The following ESYT2 variants were observed in gnomAD, a reference collection of about 807,000 sequenced individuals.
ESYT2 encodes the protein extended synaptotagmin 2, also known as extended synaptotagmin-2.
A neutral mutation model predicts 107.2 loss-of-function variants in ESYT2; 54 were observed. That is an observed-to-expected ratio of 0.50 (90% CI 0.40 to 0.63). The LOEUF is 0.63. Among genes scored for constraint, ESYT2 ranks in the 30% least tolerant of loss-of-function variants. The pLI, the probability that ESYT2 is intolerant of heterozygous loss-of-function variation, is 0.00. For missense variants in ESYT2, 1,020 were observed against 1,094.5 expected (o/e 0.93, Z 0.96); for synonymous variants, 491 against 434.1 (o/e 1.13, Z -1.63).
intron 18 of ESYT2, among the ~76,000 whole-genome samples, chr7:158,739,815 G>T (rs1837130491): frequency 6.6e-6 from 1 of 152,080 alleles, no homozygotes; most frequent in African/African-American, 2.4e-5. Flanking sequence ...CAGTTCAGAT[G>T]CAACAACCGA....
intron 11 of ESYT2, among the ~76,000 whole-genome samples, chr7:158,760,442 T>C (rs1837920426): frequency 6.6e-6 from 1 of 152,228 alleles, no homozygotes; most frequent in Non-Finnish European, 1.5e-5. Context: ...ATTCCCACTT[T>C]ACACATAAGA....
At chr7:158,759,733 C>A in intron 12 of ESYT2, 152 bp from the exon 13 acceptor site, 1 of 632,326 alleles carries the variant, frequency 1.6e-6, no homozygotes, top group Non-Finnish European at 2.7e-6. Context: ...ACAATAAATG[C>A]CTTTTAAATA....
At position 158,787,995 on chromosome 7, in the gene ESYT2, T is replaced by C. The variant is rs891037298; in HGVS notation, c.747+9A>G. On this transcript the variant is annotated intron_variant, in intron 6 of 22. Transcript: ENST00000275418. ...TGGGAAAATAAAAATGAAATAAATA[T>C]TGACTTACTGGTTTCCTAAGGAAGA... is the stretch of plus-strand genomic sequence containing the variant. 10 of 1,605,474 alleles carry C rather than the reference T, an allele frequency of 6.2e-6. No homozygotes were observed. The highest frequency in any genetic ancestry group is 7.7e-6 in the Non-Finnish European group (9 of 1,172,482).
intron 1 of ESYT2, among the ~76,000 whole-genome samples, chr7:158,828,529 G>T (rs910651996): frequency 7.2e-5 from 11 of 152,254 alleles, no homozygotes; most frequent in African/African-American, 2.7e-4. Flanking sequence ...GGAGGGAAGC[G>T]GGCTTTGTGA....
intron 8 of ESYT2, 54 bp from the exon 9 acceptor site, chr7:158,764,907 C>A: frequency 6.4e-7 from 1 of 1,567,326 alleles, no homozygotes; most frequent in South Asian, 1.1e-5. Flanking sequence ...GTTTAACTGG[C>A]ATGGAAGATA....
intron 6 of ESYT2, among the ~76,000 whole-genome samples, chr7:158,778,856 T>C (rs987507855): frequency 6.6e-6 from 1 of 152,164 alleles, no homozygotes; most frequent in Non-Finnish European, 1.5e-5. Context: ...ACTTTTTTTT[T>C]TTTTTAACAT....
chr7:158,777,592 C>T (rs1245110418), intron 6 of ESYT2, among the ~76,000 whole-genome samples: 5 of 152,196 alleles, frequency 3.3e-5, no homozygotes, highest in Non-Finnish European at 7.3e-5. Context: ...CATCTTCTGC[C>T]ATGACTGTAA....
chr7:158,759,882 A>T (rs1490499954), intron 12 of ESYT2, among the ~76,000 whole-genome samples, 176 bp downstream of exon 12: 1 of 152,256 alleles, frequency 6.6e-6, no homozygotes, highest in Non-Finnish European at 1.5e-5. Context: ...ATTTCATTTT[A>T]AAAACTCCAT....
At position 158,829,088 on chromosome 7, in the gene ESYT2, C is replaced by T; in HGVS notation, c.330+1G>A. The T allele has an allele frequency of 6.3e-7, 1 of 1,584,474 alleles. No homozygotes were observed. Among genetic ancestry groups the T allele is most frequent in the Non-Finnish European group, 8.5e-7 (1 of 1,174,360 alleles). On this transcript the variant is annotated splice_donor_variant, in intron 1 of 22. Transcript: ENST00000275418. LOFTEE classifies it high-confidence loss of function. ...CGGGACGGGCAGGGGTCTGCACTCA[C>T]CCAGGCGGGCAGGTCGCAGGCGCGC...
intron 9 of ESYT2, among the ~76,000 whole-genome samples, chr7:158,763,866 A>C (rs1838061848): frequency 6.6e-6 from 1 of 152,170 alleles, no homozygotes; most frequent in Non-Finnish European, 1.5e-5. Context: ...ATCTTGGAAT[A>C]ACCACGAGTT....
intron 18 of ESYT2, among the ~76,000 whole-genome samples, chr7:158,740,725 T>C (rs571810992): frequency 6.6e-6 from 1 of 152,336 alleles, no homozygotes; most frequent in Admixed American, 6.5e-5. Context: ...GAATGTTTTC[T>C]TCTTTCCAAA....
In ESYT2 at chr7:158,748,219, G is replaced by A; in HGVS notation, c.1619C>T (p.Pro540Leu). ...EENFTFFIHN[P>L]KRQDLEVEVR... is the part of the protein sequence containing the mutation. The stretch of plus-strand genomic sequence containing the variant: ...CTCAACTTCAAGGTCCTGGCGCTTG[G>A]GATTGTGAATGAAGAAAGTGAAGTT... The change falls in exon 16 of 23, where the codon CCC becomes CTC. Residue 540 changes from proline (P) to leucine (L), a missense_variant. Transcript: ENST00000275418. 1 of 1,614,084 alleles carries A rather than the reference G, an allele frequency of 6.2e-7. No homozygotes were observed. Among genetic ancestry groups the A allele is most frequent in the Non-Finnish European group, 8.5e-7 (1 of 1,179,996 alleles).
At chr7:158,744,516 A>G (rs1308168426) in intron 16 of ESYT2, among the ~76,000 whole-genome samples, 2 of 152,188 alleles carry the variant, frequency 1.3e-5, no homozygotes, top group Admixed American at 6.5e-5. Flanking sequence ...AAGAAAATTT[A>G]CAGCAAGGCA....
chr7:158,781,224 G>A (rs1838780950), intron 6 of ESYT2, among the ~76,000 whole-genome samples: 1 of 152,050 alleles, frequency 6.6e-6, no homozygotes, highest in Admixed American at 6.5e-5. Context: ...AGAACAGTGT[G>A]AGGTGTGTGT....
intron 1 of ESYT2, among the ~76,000 whole-genome samples, chr7:158,808,137 C>T (rs1563034296): frequency 6.6e-6 from 1 of 152,216 alleles, no homozygotes; most frequent in African/African-American, 2.4e-5. Context: ...TTACCTATTA[C>T]AGAAATCCCC....
chr7:158,782,645 C>G (rs1026874020), intron 6 of ESYT2, among the ~76,000 whole-genome samples: 10 of 49,490 alleles, frequency 2.0e-4, no homozygotes, highest in Admixed American at 1.5e-3. Context: ...TATGTGAGAA[C>G]AAAGAAGTAT....
chr7:158,746,060 A>G (rs1477577266), intron 16 of ESYT2, among the ~76,000 whole-genome samples: 1 of 152,166 alleles, frequency 6.6e-6, no homozygotes, highest in African/African-American at 2.4e-5. Flanking sequence ...ATCAATAAAC[A>G]TCTTGTAAGA....
chr7:158,802,209 T>G (rs1839666301), intron 1 of ESYT2, among the ~76,000 whole-genome samples: 1 of 152,154 alleles, frequency 6.6e-6, no homozygotes, highest in African/African-American at 2.4e-5. Flanking sequence ...CAAACAACAT[T>G]CCCCTTGAAG....
chr7:158,761,655 C>G (rs1000596332), intron 10 of ESYT2, 111 bp from the exon 11 acceptor site: 8 of 962,788 alleles, frequency 8.3e-6, no homozygotes, highest in African/African-American at 1.6e-5. Flanking sequence ...AAGCATTTGT[C>G]TATGAACAAG....
Sources: allele counts gnomAD v4.1 joint callset (sites outside exome capture counted in the v4.1 genomes callset), GRCh38; gene constraint gnomAD v4.1.1; transcripts MANE v1.5; gene names NCBI Gene and HGNC (gene_info 2026-07-23, HGNC 2026-07-21).